The following PDE8A variants were observed in gnomAD, a reference collection of about 807,000 sequenced individuals.
PDE8A encodes the protein high affinity cAMP-specific and IBMX-insensitive 3',5'-cyclic phosphodiesterase 8A.
In PDE8A, 59 loss-of-function variants were observed where a neutral mutation model predicts 105.0. That is an observed-to-expected ratio of 0.56 (90% CI 0.46 to 0.70). PDE8A has a LOEUF of 0.70. PDE8A is among the 30% of genes least tolerant of loss of function. The pLI is 0.00. For missense variants in PDE8A, 1,014 were observed against 1,045.9 expected (o/e 0.97, Z 0.42); for synonymous variants, 355 against 371.9 (o/e 0.95, Z 0.52).
chr15:84,992,324 A>G (rs2079898626), intron 1 of PDE8A, among the ~76,000 whole-genome samples: 1 of 152,076 alleles, frequency 6.6e-6, no homozygotes, highest in African/African-American at 2.4e-5. Context: ...AAAGACTGGG[A>G]GGATGTGGAT....
At chr15:85,121,051 C>A in intron 18 of PDE8A, 37 bp downstream of exon 18, 1 of 917,124 alleles carries the variant, frequency 1.1e-6, no homozygotes, top group East Asian at 2.5e-5. Context: ...TGATCCCTCT[C>A]TTTCTTTTTT....
In PDE8A at chr15:85,138,708, T is replaced by TAGA. The variant is rs1276148062; in HGVS notation, c.*807_*809dup. The TAGA allele has an allele frequency of 6.6e-6, 1 of 152,236 alleles. No individual in the cohort carries two copies. 9.4% of individuals were successfully genotyped at this position (152,236 alleles called of 1,614,324 possible). A position where few individuals can be genotyped will look rare whatever the true frequency, so the allele number is the denominator to read the frequency against. ...GCTAAAGAAGGCTGCTTCTACTGTA[T>TAGA]AGAACCCAGGGCTCTGAAACAGCTC... On this transcript the variant is annotated 3_prime_UTR_variant, in exon 22 of 22. Coordinates refer to ENST00000394553, the MANE Select transcript of PDE8A (RefSeq NM_002605.3).
At chr15:85,048,347 C>T (rs1256933019) in intron 1 of PDE8A, among the ~76,000 whole-genome samples, 2 of 151,560 alleles carry the variant, frequency 1.3e-5, no homozygotes, top group East Asian at 3.9e-4. Flanking sequence ...TCTTTCTTTC[C>T]ATTCAGACTT....
At chr15:85,057,141 C>A (rs2081072458) in intron 1 of PDE8A, among the ~76,000 whole-genome samples, 1 of 152,166 alleles carries the variant, frequency 6.6e-6, no homozygotes, top group Non-Finnish European at 1.5e-5. Flanking sequence ...TGCAGAACGG[C>A]AAATGTTGCT....
chr15:85,041,250 A>G (rs1487065462), intron 1 of PDE8A, among the ~76,000 whole-genome samples: 3 of 152,244 alleles, frequency 2.0e-5, no homozygotes, highest in African/African-American at 4.8e-5. Flanking sequence ...CCTATTTCCT[A>G]CAGCATGACT....
intron 17 of PDE8A, among the ~76,000 whole-genome samples, chr15:85,119,049 CAAGT>C (rs779782827): frequency 6.6e-6 from 1 of 152,032 alleles, no homozygotes; most frequent in Non-Finnish European, 1.5e-5. Flanking sequence ...ATTATGAAAA[CAAGT>C]AACAACAGAG....
intron 4 of PDE8A, among the ~76,000 whole-genome samples, chr15:85,076,435 A>G (rs1259299062): frequency 2.0e-5 from 3 of 151,942 alleles, no homozygotes; most frequent in African/African-American, 7.2e-5. Flanking sequence ...AGTAGAAGAA[A>G]ATAGGAGTAG....
At chr15:85,123,935 A>C (rs1184694554) in intron 19 of PDE8A, among the ~76,000 whole-genome samples, 1 of 152,128 alleles carries the variant, frequency 6.6e-6, no homozygotes, top group Non-Finnish European at 1.5e-5. Flanking sequence ...CCTCACTAAT[A>C]TCCCCCTCCC....
intron 1 of PDE8A, among the ~76,000 whole-genome samples, chr15:85,018,719 A>G (rs867464044): frequency 3.3e-5 from 5 of 152,220 alleles, no homozygotes; most frequent in African/African-American, 7.2e-5. Context: ...CATTTTTACC[A>G]GTATGAATTC....
chr15:85,086,968 T>G (rs2081563299), intron 6 of PDE8A, among the ~76,000 whole-genome samples: 1 of 152,022 alleles, frequency 6.6e-6, no homozygotes, highest in African/African-American at 2.4e-5. Context: ...TTCACCATTT[T>G]GGTCAGGCCG....
At chr15:85,118,100 A>T (rs923341836) in intron 17 of PDE8A, among the ~76,000 whole-genome samples, 4 of 152,168 alleles carry the variant, frequency 2.6e-5, no homozygotes, top group African/African-American at 9.7e-5. Context: ...CAAGGACAGG[A>T]TAGGGCTATT....
Position 85,117,844 on chromosome 15 carries a change from G to C in PDE8A, c.1734+5G>C. On this transcript the variant is annotated splice_donor_5th_base_variant and intron_variant, in intron 17 of 21. Transcript: ENST00000394553. The stretch of plus-strand genomic sequence containing the variant: ...CTCTCCAAGGAGAGGATAAAGGTGA[G>C]CTGTTGTTTACCTGCCACATTTAAT... 1.2e-6 allele frequency: 2 copies of C among 1,608,214 alleles called. No homozygotes were observed. The highest frequency in any genetic ancestry group is 1.7e-6 in the Non-Finnish European group (2 of 1,174,920).
intron 1 of PDE8A, among the ~76,000 whole-genome samples, chr15:85,051,165 A>G (rs1220388339): frequency 6.6e-6 from 1 of 152,042 alleles, no homozygotes; most frequent in African/African-American, 2.4e-5. Flanking sequence ...TTGTGTCCTG[A>G]TACTTTGCTG....
At chr15:84,994,650 T>C (rs1307085248) in intron 1 of PDE8A, among the ~76,000 whole-genome samples, 1 of 152,222 alleles carries the variant, frequency 6.6e-6, no homozygotes. Flanking sequence ...TCATACTCCT[T>C]TTTCTTTGAT....
At chr15:85,016,446 C>T (rs1248978483) in intron 1 of PDE8A, among the ~76,000 whole-genome samples, 1 of 152,184 alleles carries the variant, frequency 6.6e-6, no homozygotes, top group Non-Finnish European at 1.5e-5. Context: ...CATTCCCCCA[C>T]ACTAATTTGA....
chr15:85,083,837 A>G (rs1012228503), intron 6 of PDE8A, among the ~76,000 whole-genome samples, 193 bp downstream of exon 6: 1 of 152,226 alleles, frequency 6.6e-6, no homozygotes, highest in Non-Finnish European at 1.5e-5. Flanking sequence ...TTTAGTGATT[A>G]GAGACTCACA....
At chr15:85,041,939 C>G (rs1596467234) in intron 1 of PDE8A, among the ~76,000 whole-genome samples, 2 of 152,130 alleles carry the variant, frequency 1.3e-5, no homozygotes, top group Admixed American at 1.3e-4. Context: ...CCAGTAGTTT[C>G]TCCTCTGAAA....
Position 84,982,209 on chromosome 15 carries a change from A to G in PDE8A, c.47A>G (p.Glu16Gly). The G allele has an allele frequency of 6.7e-7, 1 of 1,485,148 alleles. No individual in the cohort carries two copies. The allele number at this position is 1,485,148 out of a possible 1,614,324, so 92.0% of individuals were successfully genotyped here. Reference protein sequence around the residue: ...SIHISERLVAEDAPSPAAPPL... With the variant: ...SIHISERLVAGDAPSPAAPPL... ...CACATTTCCGAGCGCCTGGTGGCCG[A>G]GGACGCGCCTAGCCCCGCGGCACCG... is the stretch of plus-strand genomic sequence containing the variant. Residue 16 changes from glutamate (E) to glycine (G), a missense_variant, in exon 1 of 22, where the codon GAG becomes GGG. By Grantham distance (98) the Glu-to-Gly change is moderately conservative. Transcript: ENST00000394553.
intron 8 of PDE8A, among the ~76,000 whole-genome samples, chr15:85,091,901 C>CTTTTTTTTTTTTTTTT (rs563631633): frequency 3.4e-5 from 3 of 88,416 alleles, no homozygotes; most frequent in African/African-American, 8.8e-5. Context: ...TTCTGCTGGA[C>CTTTTTTTTTTTTTTTT]TTTTTTTTTT....
Sources: gnomAD v4.1 joint callset for allele counts (sites outside exome capture counted in the v4.1 genomes callset) on GRCh38, gnomAD v4.1.1 for gene constraint, MANE v1.5 for transcripts, NCBI Gene and HGNC (gene_info 2026-07-23, HGNC 2026-07-21) for gene names.